Variants in ARFGEF1 observed in about 807,000 individuals in gnomAD.
ARFGEF1 encodes ARF guanine nucleotide exchange factor 1.
ARFGEF1 carries 42 observed loss-of-function variants against 231.0 expected under a neutral mutation model. The observed-to-expected ratio is 0.18, with a 90% CI of 0.14 to 0.24. The LOEUF is 0.24. ARFGEF1 is among the 10% of genes least tolerant of loss of function. ARFGEF1 has a pLI of 1.00. For synonymous variants in ARFGEF1, 710 were observed against 732.3 expected (o/e 0.97, Z 0.49); for missense variants, 1,345 against 2,192.0 (o/e 0.61, Z 7.72).
At chr8:67,285,500 G>A (rs1165599045) in intron 7 of ARFGEF1, among the ~76,000 whole-genome samples, 1 of 152,078 alleles carries the variant, frequency 6.6e-6, no homozygotes, top group East Asian at 1.9e-4. Context: ...CTGGGTGACA[G>A]AGCAAGACCT....
chr8:67,339,827 C>A (rs1253210500), intron 1 of ARFGEF1, among the ~76,000 whole-genome samples: 20 of 65,846 alleles, frequency 3.0e-4, no homozygotes, highest in Non-Finnish European at 4.6e-4. Flanking sequence ...TTTAACCATT[C>A]TTTACTTCAA....
chr8:67,211,962 C>T (rs2129577847), intron 33 of ARFGEF1, among the ~76,000 whole-genome samples: 2 of 152,298 alleles, frequency 1.3e-5, no homozygotes, highest in East Asian at 3.9e-4. Flanking sequence ...TTCTGTCACC[C>T]ATGGACCCAG....
intron 29 of ARFGEF1, among the ~76,000 whole-genome samples, chr8:67,222,190 T>TATATACACACAC (rs1554636817): frequency 4.4e-5 from 6 of 134,938 alleles, no homozygotes; most frequent in African/African-American, 1.8e-4. Context: ...CACATATATA[T>TATATACACACAC]ATATATATAT....
intron 1 of ARFGEF1, 43 bp from the exon 2 acceptor site, chr8:67,302,509 G>T: frequency 7.0e-7 from 1 of 1,421,980 alleles, no homozygotes; most frequent in Non-Finnish European, 9.5e-7. Flanking sequence ...AAACTGGACA[G>T]CAGAAAGACT....
At chr8:67,258,479 T>C (rs948769056) in intron 15 of ARFGEF1, among the ~76,000 whole-genome samples, 189 bp from the exon 16 acceptor site, 1 of 152,062 alleles carries the variant, frequency 6.6e-6, no homozygotes, top group Non-Finnish European at 1.5e-5. Flanking sequence ...CGCCTGCTAC[T>C]GCGCCCAGCT....
At chr8:67,193,374 G>A (rs1035844135), downstream of ARFGEF1, 1 of 1,181,954 alleles carries the variant, frequency 8.5e-7, no homozygotes, top group African/African-American at 1.5e-5. Context: ...TGGGATCACA[G>A]GTGATAGGCA....
chr8:67,317,706 T>A (rs1224850746), intron 1 of ARFGEF1, among the ~76,000 whole-genome samples: 1 of 140,812 alleles, frequency 7.1e-6, no homozygotes, highest in Non-Finnish European at 1.5e-5. Flanking sequence ...AGGTCGGGAG[T>A]TCGAGACCAG....
rs781307902 is a variant in ARFGEF1 at position 67,238,753 on chromosome 8, T to C, written c.3120A>G (p.Leu1040=). Residue 1040 remains leucine, a synonymous_variant, in exon 21 of 39, where the codon TTA becomes TTG. Coordinates refer to ENST00000262215, the MANE Select transcript of ARFGEF1 (RefSeq NM_006421.5). ...CTTATACCTCATGCCATGAATTTCC[T>C]AAATAATTTCCATCTGTATGAGCCA... is the stretch of plus-strand genomic sequence containing the variant. ...ITVAHTDGNY[L]GNSWHEILKC... is the part of the protein sequence containing the mutation. 1.2e-6 allele frequency: 2 copies of C among 1,613,774 alleles called. No individual in the cohort carries two copies. Among genetic ancestry groups the C allele is most frequent in the South Asian group, 1.1e-5 (1 of 91,062 alleles).
intron 34 of ARFGEF1, among the ~76,000 whole-genome samples, chr8:67,208,166 C>T (rs1261923117): frequency 6.6e-6 from 1 of 152,118 alleles, no homozygotes; most frequent in African/African-American, 2.4e-5. Flanking sequence ...TGAAACTCGG[C>T]CACTCACTAC....
At position 67,343,565 on chromosome 8, in the gene ARFGEF1, G is replaced by A. The variant is rs973080656; in HGVS notation, c.-278C>T. On this transcript the variant is annotated 5_prime_UTR_variant, in exon 1 of 39. Transcript: ENST00000262215. ...TCTCCCGGCCCGGGGGTCGCGTCCC[G>A]GCCGCCCCTCTCACTCGTCCCTCCG... 2.0e-4 allele frequency: 228 copies of A among 1,122,966 alleles called. 1 individual carries two copies. In the African/African-American group the frequency reaches 3.6e-3, roughly 18 times the overall value. The allele number at this position is 1,122,966 out of a possible 1,614,324, so 69.6% of individuals were successfully genotyped here. A position where few individuals can be genotyped will look rare whatever the true frequency, so the allele number is the denominator to read the frequency against.
intron 1 of ARFGEF1, among the ~76,000 whole-genome samples, chr8:67,317,283 C>T (rs967847654): frequency 4.6e-5 from 7 of 152,148 alleles, no homozygotes; most frequent in Admixed American, 6.5e-5. Flanking sequence ...GAGGAGATAA[C>T]AGGAACCCCT....
intron 1 of ARFGEF1, among the ~76,000 whole-genome samples, chr8:67,341,785 A>G (rs1808640501): frequency 6.6e-6 from 1 of 152,216 alleles, no homozygotes; most frequent in Non-Finnish European, 1.5e-5. Flanking sequence ...CCACTAGACA[A>G]CTGTCTTCTC....
Position 67,267,390 on chromosome 8 carries a change from A to G in ARFGEF1, c.1625T>C (p.Phe542Ser), listed in dbSNP as rs1344007085. ...CTGAATAACCATCCATTTGTGATCA[A>G]ATGAGCTGGTAGAAGTTTCCAAAAT... is the stretch of plus-strand genomic sequence containing the variant. Reference protein sequence around the residue: ...LYILETSTSSFDHKWMVIQTL... With the variant: ...LYILETSTSSSDHKWMVIQTL... Residue 542 changes from phenylalanine (F) to serine (S), a missense_variant, in exon 11 of 39, where the codon TTT (phenylalanine) becomes TCT (serine). Phe to Ser is a radical substitution (Grantham distance 155). Transcript: ENST00000262215. 6.2e-7 allele frequency: 1 copy of G among 1,612,126 alleles called. No individual in the cohort carries two copies.
intron 4 of ARFGEF1, among the ~76,000 whole-genome samples, chr8:67,297,919 C>T (rs1806309839): frequency 6.6e-6 from 1 of 151,848 alleles, no homozygotes; most frequent in Non-Finnish European, 1.5e-5. Context: ...CCTCCCACCT[C>T]AGCCTCCTGA....
chr8:67,343,445 G>C lies in ARFGEF1; in HGVS notation c.-158C>G. The C allele has an allele frequency of 3.6e-6, 5 of 1,371,176 alleles. No individual in the cohort carries two copies. Among genetic ancestry groups the C allele is most frequent in the Non-Finnish European group, 4.7e-6 (5 of 1,058,796 alleles). 84.9% of individuals were successfully genotyped at this position (1,371,176 alleles called of 1,614,324 possible). On this transcript the variant is annotated 5_prime_UTR_variant, in exon 1 of 39. Transcript: ENST00000262215. The stretch of plus-strand genomic sequence containing the variant: ...GCGGCAGGATCAGGAAGGGGCGGGC[G>C]AGCGGGACCAGCCGCGGTGTCGGCG...
At chr8:67,324,117 T>A (rs1386584345) in intron 1 of ARFGEF1, among the ~76,000 whole-genome samples, 1 of 152,160 alleles carries the variant, frequency 6.6e-6, no homozygotes, top group Non-Finnish European at 1.5e-5. Flanking sequence ...TACTTTTCAA[T>A]ATGCCAATCA....
intron 37 of ARFGEF1, 94 bp from the exon 38 acceptor site, chr8:67,200,607 TG>T: frequency 4.0e-6 from 3 of 753,536 alleles, no homozygotes; most frequent in Non-Finnish European, 6.8e-6. Context: ...GTAGTGAATA[TG>T]AACTATTCAA....
chr8:67,178,484 CAGA>C (rs1276639544), intron 5 of ARFGEF1, among the ~76,000 whole-genome samples: 1 of 152,078 alleles, frequency 6.6e-6, no homozygotes, highest in Non-Finnish European at 1.5e-5. Context: ...GGTTACATTC[CAGA>C]AGGAGGGAGA....
rs998508888 is a variant in ARFGEF1 at position 67,212,612 on chromosome 8, G to C, written c.4687-997C>G. On this transcript the variant is annotated intron_variant, in intron 33 of 38. Transcript: ENST00000262215. ...GGCACAGCACACTCAAGACATGAGA[G>C]AACCTGGTTTCAGGAGGAGTGCTTA... is the stretch of plus-strand genomic sequence containing the variant. Among the ~76,000 whole-genome samples the C allele has an allele frequency of 1.5e-4, 23 of 152,206 alleles. 1 individual carries two copies. The highest frequency in any genetic ancestry group is 1.5e-5 in the Non-Finnish European group (1 of 68,040).
Sources: allele counts gnomAD v4.1 joint callset (sites outside exome capture counted in the v4.1 genomes callset), GRCh38; gene constraint gnomAD v4.1.1; transcripts MANE v1.5; gene names NCBI Gene and HGNC (gene_info 2026-07-23, HGNC 2026-07-21).